Variants in EPHA4 observed in about 807,000 individuals in gnomAD.
EPHA4 encodes ephrin type-A receptor 4.
Under a neutral mutation model 108.3 loss-of-function variants are expected in EPHA4, and 19 were observed. The observed-to-expected ratio is 0.18, with a 90% CI of 0.12 to 0.26. EPHA4 has a LOEUF of 0.26. EPHA4 is among the 10% of genes least tolerant of loss of function. The pLI, the probability that EPHA4 is intolerant of heterozygous loss-of-function variation, is 1.00. For missense variants in EPHA4, 917 were observed against 1,254.0 expected (o/e 0.73, Z 4.06); for synonymous variants, 449 against 455.5 (o/e 0.99, Z 0.18).
At chr2:221,455,682 G>C in intron 7 of EPHA4, 24 bp from the exon 8 acceptor site, 1 of 1,568,442 alleles carries the variant, frequency 6.4e-7, no homozygotes, top group Non-Finnish European at 8.8e-7. Context: ...TTGCATAAGG[G>C]TCACCTTTGG....
At chr2:221,498,790 C>CTTTTTTT (rs757231773) in intron 4 of EPHA4, among the ~76,000 whole-genome samples, 1 of 135,668 alleles carries the variant, frequency 7.4e-6, no homozygotes, top group African/African-American at 2.8e-5. Flanking sequence ...TTTTTTTTTT[C>CTTTTTTT]TTTTTTTTTT....
intron 4 of EPHA4, among the ~76,000 whole-genome samples, chr2:221,493,366 G>C (rs1284722088): frequency 6.6e-6 from 1 of 152,006 alleles, no homozygotes; most frequent in Non-Finnish European, 1.5e-5. Context: ...TTGGGGTAGA[G>C]AATTGAACAG....
intron 5 of EPHA4, among the ~76,000 whole-genome samples, chr2:221,464,045 T>A (rs1282666452): frequency 6.6e-6 from 1 of 151,598 alleles, no homozygotes; most frequent in East Asian, 1.9e-4. Context: ...CAAGGAGGAG[T>A]GAAAACAGCC....
At chr2:221,556,208 CA>C (rs879584297) in intron 3 of EPHA4, among the ~76,000 whole-genome samples, 2 of 152,164 alleles carry the variant, frequency 1.3e-5, no homozygotes, top group Admixed American at 1.3e-4. Context: ...ACAATTAACG[CA>C]TTGCATGTTA....
Position 221,434,335 on chromosome 2 carries a change from G to C in EPHA4, c.2347-44C>G, listed in dbSNP as rs564975161. On this transcript the variant is annotated intron_variant, in intron 13 of 17. Transcript: ENST00000281821. ...TAAGTTATTCCTTAAGTACATCACT[G>C]ATGTGCCATTTTAGATTCTGAATGT... The C allele has an allele frequency of 5.3e-5, 84 of 1,593,740 alleles. 2 individuals are homozygous for C. In the South Asian group the frequency reaches 9.1e-4, roughly 17 times the overall value.
chr2:221,422,593 T>C (rs540296309), intron 17 of EPHA4, among the ~76,000 whole-genome samples: 1 of 152,198 alleles, frequency 6.6e-6, no homozygotes, highest in Non-Finnish European at 1.5e-5. Flanking sequence ...AAGACTTGTA[T>C]CTACTTAATG....
intron 5 of EPHA4, among the ~76,000 whole-genome samples, chr2:221,468,193 C>T (rs962530945): frequency 1.3e-5 from 2 of 151,306 alleles, no homozygotes; most frequent in African/African-American, 2.4e-5. Context: ...GTCTCCATGA[C>T]CTACAATGCC....
At chr2:221,432,172 A>C (rs1396398711) in intron 14 of EPHA4, among the ~76,000 whole-genome samples, 2 of 150,822 alleles carry the variant, frequency 1.3e-5, no homozygotes, top group Non-Finnish European at 1.5e-5. Flanking sequence ...ATACATATAT[A>C]TAAACTGCCA....
intron 5 of EPHA4, among the ~76,000 whole-genome samples, chr2:221,473,572 A>AC (rs1691560213): frequency 2.0e-5 from 3 of 151,138 alleles, no homozygotes. Context: ...AAAAAAAAAA[A>AC]AACTATTTAA....
intron 4 of EPHA4, among the ~76,000 whole-genome samples, chr2:221,493,061 C>G (rs1692195746): frequency 6.6e-6 from 1 of 152,140 alleles, no homozygotes; most frequent in African/African-American, 2.4e-5. Flanking sequence ...GAAACACTTT[C>G]ATTTACGACA....
chr2:221,512,698 G>A (rs1005037174), intron 3 of EPHA4, among the ~76,000 whole-genome samples: 5 of 152,136 alleles, frequency 3.3e-5, no homozygotes, highest in African/African-American at 7.2e-5. Context: ...GCAGATTAGC[G>A]TCATTATGTA....
chr2:221,529,324 G>A (rs900964845), intron 3 of EPHA4, among the ~76,000 whole-genome samples: 6 of 152,170 alleles, frequency 3.9e-5, no homozygotes, highest in Non-Finnish European at 7.4e-5. Flanking sequence ...GCTGGGAGAA[G>A]GGGCGGTCAC....
At chr2:221,465,562 G>T (rs1485066421) in intron 5 of EPHA4, among the ~76,000 whole-genome samples, 1 of 152,182 alleles carries the variant, frequency 6.6e-6, no homozygotes, top group Non-Finnish European at 1.5e-5. Context: ...CCCAGCCAAA[G>T]ACTACCTTCC....
Position 221,566,872 on chromosome 2 carries a change from AAGAAGG to A in EPHA4, c.159+1840_159+1845del, listed in dbSNP as rs1156604295. 1.9e-3 allele frequency among the ~76,000 whole-genome samples: 77 copies of A among 41,582 alleles called. 2 individuals are homozygous for A. The highest frequency in any genetic ancestry group is 4.1e-3 in the Admixed American group (12 of 2,940). 27.3% of individuals were successfully genotyped at this position (41,582 alleles called of 152,430 possible). Reference sequence around the variant, plus strand: ...GGAGAAGGAGAAGAAGAAGAAGAAGAAGAAGGAGAAGGAGAAGGAGAAGGAGAAGGA... The same window carrying A: ...GGAGAAGGAGAAGAAGAAGAAGAAGAAGAAGGAGAAGGAGAAGGAGAAGGA... On this transcript the variant is annotated intron_variant, in intron 2 of 17. Transcript: ENST00000281821.
intron 4 of EPHA4, among the ~76,000 whole-genome samples, chr2:221,484,394 C>G (rs890283105): frequency 6.6e-6 from 1 of 152,192 alleles, no homozygotes; most frequent in South Asian, 2.1e-4. Context: ...CCAAACTCCC[C>G]TCAGGACTAA....
intron 3 of EPHA4, among the ~76,000 whole-genome samples, chr2:221,522,909 A>G (rs767957764): frequency 6.6e-6 from 1 of 152,028 alleles, no homozygotes; most frequent in Non-Finnish European, 1.5e-5. Flanking sequence ...CTGGGATTAC[A>G]GGTGCGTGCC....
intron 3 of EPHA4, among the ~76,000 whole-genome samples, chr2:221,546,091 T>TG (rs1350290875): frequency 6.6e-6 from 1 of 152,166 alleles, no homozygotes; most frequent in African/African-American, 2.4e-5. Context: ...TGTGAACTCT[T>TG]GCAAAGCAAC....
intron 3 of EPHA4, among the ~76,000 whole-genome samples, chr2:221,550,565 T>C (rs1178284056): frequency 6.6e-6 from 1 of 152,166 alleles, no homozygotes; most frequent in African/African-American, 2.4e-5. Context: ...GACTTAGATA[T>C]ATTATCTTAT....
intron 1 of EPHA4, among the ~76,000 whole-genome samples, chr2:221,569,700 A>T (rs149986439): frequency 1.8e-4 from 28 of 151,590 alleles, no homozygotes; most frequent in African/African-American, 6.5e-4. Context: ...ACCTCAAAGG[A>T]ACCACTGGGT....
Sources: allele counts gnomAD v4.1 joint callset (sites outside exome capture counted in the v4.1 genomes callset), GRCh38; gene constraint gnomAD v4.1.1; transcripts MANE v1.5; gene names NCBI Gene and HGNC (gene_info 2026-07-23, HGNC 2026-07-21).